CDH13: variants seen among roughly 807,000 people sequenced by gnomAD.
CDH13 encodes the protein cadherin-13.
A neutral mutation model predicts 63.8 loss-of-function variants in CDH13; 24 were observed. The observed-to-expected ratio is 0.38, with a 90% CI of 0.27 to 0.53. The LOEUF (loss-of-function observed/expected upper bound fraction) is 0.53, where lower values mean the gene tolerates loss of function less well. Ranked by LOEUF, CDH13 falls within the 20% of genes least tolerant of loss-of-function variation. The pLI, the probability that CDH13 is intolerant of heterozygous loss-of-function variation, is 0.85. For synonymous variants in CDH13, 503 were observed against 355.3 expected, an observed-to-expected ratio of 1.42 and a Z score of -4.67; for missense variants, 1,049 against 903.1, an observed-to-expected ratio of 1.16 and a Z score of -2.07.
intron 8 of CDH13, among the ~76,000 whole-genome samples, chr16:83,624,233 T>C (rs1910067255): frequency 2.0e-5 from 3 of 151,972 alleles, no homozygotes; most frequent in Non-Finnish European, 2.9e-5. Context: ...ACCCACATCC[T>C]CTCTCCCAGA....
At chr16:83,610,139 T>G (rs995945414) in intron 8 of CDH13, among the ~76,000 whole-genome samples, 2 of 152,194 alleles carry the variant, frequency 1.3e-5, no homozygotes, top group Non-Finnish European at 1.5e-5. Flanking sequence ...TTAGGCAGTT[T>G]CAGTTTTTGG....
At chr16:82,961,649 G>A (rs1023991388) in intron 2 of CDH13, among the ~76,000 whole-genome samples, 18 of 151,470 alleles carry the variant, frequency 1.2e-4, no homozygotes, top group Non-Finnish European at 2.4e-4. Flanking sequence ...CCTCTAGGGT[G>A]GACTTTGCTC....
chr16:83,136,486 CAAAAAAA>C (rs542700844), intron 4 of CDH13, among the ~76,000 whole-genome samples: 11 of 61,552 alleles, frequency 1.8e-4, no homozygotes, highest in African/African-American at 5.5e-4. Context: ...ACTCTGTCTC[CAAAAAAA>C]AAAAAAAAAA....
chr16:82,766,889 T>TA (rs568969818), intron 1 of CDH13, among the ~76,000 whole-genome samples: 96 of 152,332 alleles, frequency 6.3e-4, no homozygotes, highest in African/African-American at 2.1e-3. Flanking sequence ...TGTTTCATTA[T>TA]AAAATTTTTT....
At chr16:83,158,977 T>C (rs985504467) in intron 4 of CDH13, among the ~76,000 whole-genome samples, 1 of 152,244 alleles carries the variant, frequency 6.6e-6, no homozygotes, top group Admixed American at 6.5e-5. Context: ...TTCACAAATC[T>C]GAATTTCATC....
chr16:82,893,920 A>G (rs923805249), intron 2 of CDH13, among the ~76,000 whole-genome samples: 1 of 151,910 alleles, frequency 6.6e-6, no homozygotes, highest in Non-Finnish European at 1.5e-5. Flanking sequence ...TCCCAATACC[A>G]CCACTTCAGT....
intron 3 of CDH13, among the ~76,000 whole-genome samples, chr16:83,058,841 G>T (rs1161175509): frequency 2.6e-5 from 4 of 152,192 alleles, no homozygotes; most frequent in Non-Finnish European, 5.9e-5. Flanking sequence ...ATCTGGTGAT[G>T]AGATTATCTC....
chr16:83,014,004 C>G (rs1432477634), intron 2 of CDH13, among the ~76,000 whole-genome samples: 1 of 152,072 alleles, frequency 6.6e-6, no homozygotes, highest in Non-Finnish European at 1.5e-5. Context: ...CAGGCCTTTG[C>G]TAAACACTCG....
At chr16:83,508,402 G>A in intron 7 of CDH13, 1 of 154,388 alleles carries the variant, frequency 6.5e-6, no homozygotes, top group Middle Eastern at 7.2e-4. Flanking sequence ...TTGGATCATA[G>A]AGCAGTGACT....
intron 2 of CDH13, among the ~76,000 whole-genome samples, chr16:82,905,291 C>T (rs543468948): frequency 2.0e-4 from 30 of 152,070 alleles, no homozygotes; most frequent in Non-Finnish European, 3.4e-4. Flanking sequence ...GCTCAGGTCA[C>T]GCAGCAATTT....
chr16:82,917,447 A>G (rs1357768384), intron 2 of CDH13, among the ~76,000 whole-genome samples: 1 of 152,220 alleles, frequency 6.6e-6, no homozygotes, highest in Non-Finnish European at 1.5e-5. Context: ...AGTCCTGGCT[A>G]TCTAACTGTG....
chr16:83,252,789 G>A (rs1317488671), intron 5 of CDH13, among the ~76,000 whole-genome samples: 1 of 152,058 alleles, frequency 6.6e-6, no homozygotes, highest in Admixed American at 6.6e-5. Context: ...TCACAGCACA[G>A]CCTGCCCCCC....
intron 7 of CDH13, among the ~76,000 whole-genome samples, chr16:83,560,901 C>A (rs75793425): frequency 2.6e-4 from 36 of 139,390 alleles, no homozygotes; most frequent in South Asian, 9.4e-4. Flanking sequence ...TAAGGTTGGC[C>A]CCCCCCCCGC....
At chr16:82,678,620 T>C (rs1206200515) in intron 1 of CDH13, among the ~76,000 whole-genome samples, 1 of 152,354 alleles carries the variant, frequency 6.6e-6, no homozygotes, top group East Asian at 1.9e-4. Flanking sequence ...GCTGATTTAC[T>C]AAGAAATATT....
chr16:83,404,054 T>A (rs142894632), intron 6 of CDH13, among the ~76,000 whole-genome samples: 1 of 152,334 alleles, frequency 6.6e-6, no homozygotes, highest in East Asian at 1.9e-4. Flanking sequence ...TTCTGAATCA[T>A]AATCATTGCA....
chr16:83,651,673 A>G (rs1468610039), intron 8 of CDH13, among the ~76,000 whole-genome samples: 3 of 136,210 alleles, frequency 2.2e-5, no homozygotes, highest in Middle Eastern at 5.0e-3. Flanking sequence ...TTGGCTCACT[A>G]CAACCTCTGC....
chr16:82,672,377 A>T (rs1358937374), intron 1 of CDH13, among the ~76,000 whole-genome samples: 2 of 152,146 alleles, frequency 1.3e-5, no homozygotes, highest in South Asian at 2.1e-4. Context: ...TTTTATTCCT[A>T]AACTCCCATG....
intron 5 of CDH13, among the ~76,000 whole-genome samples, chr16:83,297,569 A>G (rs2089632499): frequency 6.6e-6 from 1 of 151,900 alleles, no homozygotes; most frequent in Admixed American, 6.6e-5. Flanking sequence ...TGCCTCTTTC[A>G]TGTTGGGCTT....
intron 1 of CDH13, among the ~76,000 whole-genome samples, chr16:82,787,575 A>G (rs897703168): frequency 1.3e-5 from 2 of 152,192 alleles, no homozygotes; most frequent in African/African-American, 4.8e-5. Flanking sequence ...ATTGTATGCT[A>G]GACATATGCA....
Sources: gnomAD v4.1 joint callset for allele counts (sites outside exome capture counted in the v4.1 genomes callset) on GRCh38, gnomAD v4.1.1 for gene constraint, MANE v1.5 for transcripts, NCBI Gene and HGNC (gene_info 2026-07-23, HGNC 2026-07-21) for gene names.